The following NBAS variants were observed in gnomAD, a reference collection of about 807,000 sequenced individuals.
The protein encoded by NBAS is NBAS subunit of NRZ tethering complex.
Under a neutral mutation model 302.5 loss-of-function variants are expected in NBAS, and 219 were observed. The observed-to-expected ratio is 0.72, with a 90% CI of 0.65 to 0.81. The LOEUF is 0.81. Ranked by LOEUF, NBAS falls within the 30% of genes least tolerant of loss-of-function variation. The pLI is 0.00. For missense variants in NBAS, 2,932 were observed against 2,841.6 expected, an observed-to-expected ratio of 1.03 and a Z score of -0.72; for synonymous variants, 1,118 against 1,021.6, an observed-to-expected ratio of 1.09 and a Z score of -1.80.
intron 39 of NBAS, among the ~76,000 whole-genome samples, chr2:15,308,791 T>A (rs1322566544): frequency 6.6e-6 from 1 of 152,278 alleles, no homozygotes; most frequent in African/African-American, 2.4e-5. Context: ...ATATTGGCTG[T>A]GGGTTTGTCA....
intron 26 of NBAS, among the ~76,000 whole-genome samples, chr2:15,398,709 G>A (rs985117386): frequency 3.3e-5 from 5 of 152,224 alleles, no homozygotes; most frequent in African/African-American, 9.6e-5. Flanking sequence ...AATAATCACT[G>A]AGAGAATATA....
At chr2:15,502,890 T>C (rs1322203409) in intron 11 of NBAS, among the ~76,000 whole-genome samples, 1 of 152,250 alleles carries the variant, frequency 6.6e-6, no homozygotes, top group Non-Finnish European at 1.5e-5. Flanking sequence ...TTTTTTACCT[T>C]TTTGACTTCT....
chr2:15,307,160 T>G (rs1342054330), intron 40 of NBAS, among the ~76,000 whole-genome samples: 1 of 152,216 alleles, frequency 6.6e-6, no homozygotes, highest in Non-Finnish European at 1.5e-5. Flanking sequence ...TGGGAGCTTT[T>G]GCTTCCCAAA....
At chr2:15,371,843 T>G (rs12692261) in intron 31 of NBAS, among the ~76,000 whole-genome samples, 95,065 of 151,862 alleles carry the variant, frequency 0.63, 30,445 homozygotes, top group Middle Eastern at 0.68. Context: ...GAAAAGAAAA[T>G]GAATGAAGAG....
At chr2:15,529,796 A>G (rs1034878786) in intron 9 of NBAS, among the ~76,000 whole-genome samples, 3 of 152,352 alleles carry the variant, frequency 2.0e-5, no homozygotes, top group East Asian at 3.9e-4. Context: ...AGAAAATACA[A>G]GATCTAACAT....
the NBAS span, among the ~76,000 whole-genome samples, chr2:14,945,662 T>G: frequency 1.4e-3 from 209 of 151,990 alleles, 2 homozygotes; most frequent in South Asian, 0.01. Flanking sequence ...AATTAGAGGC[T>G]CTTGACTACA....
the NBAS span, among the ~76,000 whole-genome samples, chr2:14,859,323 A>G: frequency 1.3e-5 from 2 of 152,036 alleles, no homozygotes; most frequent in Non-Finnish European, 2.9e-5. Context: ...TCACTGAAAT[A>G]GAAAAAACAA....
At chr2:15,187,823 GA>G (rs1238041259) in intron 49 of NBAS, among the ~76,000 whole-genome samples, 1 of 152,208 alleles carries the variant, frequency 6.6e-6, no homozygotes, top group African/African-American at 2.4e-5. Context: ...CTTGGGCCCT[GA>G]AAAGAATTTC....
the NBAS span, among the ~76,000 whole-genome samples, chr2:14,979,055 G>C: frequency 1.3e-5 from 2 of 152,152 alleles, no homozygotes; most frequent in Non-Finnish European, 2.9e-5. Flanking sequence ...GTGAGTCACT[G>C]TTTATCTGTC....
chr2:15,515,059 G>A (rs1381826220), intron 9 of NBAS, among the ~76,000 whole-genome samples: 2 of 152,186 alleles, frequency 1.3e-5, no homozygotes, highest in African/African-American at 2.4e-5. Flanking sequence ...ATGCATATGT[G>A]TTCACACATC....
intron 44 of NBAS, among the ~76,000 whole-genome samples, chr2:15,257,623 C>A (rs1668662619): frequency 6.6e-6 from 1 of 152,100 alleles, no homozygotes; most frequent in Non-Finnish European, 1.5e-5. Flanking sequence ...AAACTCCTGA[C>A]CTCAGGTGAT....
the NBAS span, among the ~76,000 whole-genome samples, chr2:14,933,938 A>T: frequency 6.6e-6 from 1 of 152,204 alleles, no homozygotes; most frequent in African/African-American, 2.4e-5. Flanking sequence ...ACTAAGGGGA[A>T]GTCAACTTGT....
intron 21 of NBAS, among the ~76,000 whole-genome samples, chr2:15,441,335 G>C (rs1472974550): frequency 1.3e-5 from 2 of 152,152 alleles, no homozygotes; most frequent in African/African-American, 2.4e-5. Context: ...AACCAGAAGA[G>C]AGTGGGGGCC....
In NBAS at chr2:15,464,738, T is replaced by C. The variant is rs141344880; in HGVS notation, c.2097+2591A>G. Among the ~76,000 whole-genome samples, 22 of 152,278 alleles carry C rather than the reference T, an allele frequency of 1.4e-4. No homozygotes were observed. In the East Asian group the frequency reaches 4.2e-3, roughly 29 times the overall value. On this transcript the variant is annotated intron_variant, in intron 19 of 51. Coordinates refer to ENST00000281513, the MANE Select transcript of NBAS (RefSeq NM_015909.4). ...TTATTTCCTAAACTTGCCCAACCTC[T>C]GACAAAAATTCAATTCAACTACTTA...
chr2:15,388,445 C>T (rs1288976277), intron 28 of NBAS, among the ~76,000 whole-genome samples: 1 of 151,564 alleles, frequency 6.6e-6, no homozygotes, highest in Non-Finnish European at 1.5e-5. Context: ...ACTATATACC[C>T]ATCTAAATGG....
chr2:15,252,781 G>A (rs142802546), intron 44 of NBAS, among the ~76,000 whole-genome samples: 3 of 152,060 alleles, frequency 2.0e-5, no homozygotes, highest in East Asian at 3.9e-4. Context: ...TTTCATACTC[G>A]CTATGAGCTA....
At chr2:14,853,769 G>T in the NBAS span, among the ~76,000 whole-genome samples, 11 of 117,852 alleles carry the variant, frequency 9.3e-5, 1 homozygote, top group South Asian at 2.6e-4. Flanking sequence ...CATGTCCTTT[G>T]TAAGGACATG....
At chr2:15,280,112 C>T (rs915640363) in intron 42 of NBAS, among the ~76,000 whole-genome samples, 10 of 152,166 alleles carry the variant, frequency 6.6e-5, no homozygotes, top group Admixed American at 1.3e-4. Context: ...ATTAGTTGCA[C>T]TCAATGCACA....
At chr2:15,023,150 T>C in the NBAS span, among the ~76,000 whole-genome samples, 1 of 152,172 alleles carries the variant, frequency 6.6e-6, no homozygotes, top group Non-Finnish European at 1.5e-5. Context: ...GTTTGATTTA[T>C]AAAAATGGAA....
Sources: gnomAD v4.1 joint callset for allele counts (sites outside exome capture counted in the v4.1 genomes callset) on GRCh38, gnomAD v4.1.1 for gene constraint, MANE v1.5 for transcripts, NCBI Gene and HGNC (gene_info 2026-07-23, HGNC 2026-07-21) for gene names.